Variants in COL22A1 observed in about 807,000 individuals in gnomAD.
COL22A1 encodes the protein collagen type XXII alpha 1 chain.
COL22A1 carries 221 observed loss-of-function variants against 248.9 expected under a neutral mutation model. The ratio of observed to expected loss-of-function variants is 0.89; its 90% CI spans 0.80 to 0.99. The LOEUF is 0.99. Among genes scored for constraint, COL22A1 ranks in the 50% least tolerant of loss-of-function variants. The pLI is 0.00. For missense variants in COL22A1, 2,240 were observed against 2,179.0 expected, an observed-to-expected ratio of 1.03 and a Z score of -0.56; for synonymous variants, 891 against 793.4, an observed-to-expected ratio of 1.12 and a Z score of -2.07.
intron 1 of COL22A1, among the ~76,000 whole-genome samples, chr8:138,891,903 G>A (rs892136659): frequency 3.3e-5 from 5 of 152,218 alleles, no homozygotes; most frequent in Admixed American, 2.6e-4. Context: ...GGAGGGAAGA[G>A]CATGGCTTTC....
At chr8:138,851,675 G>A (rs1252784989) in intron 3 of COL22A1, among the ~76,000 whole-genome samples, 1 of 152,186 alleles carries the variant, frequency 6.6e-6, no homozygotes, top group Non-Finnish European at 1.5e-5. Flanking sequence ...AGGCGCAAGG[G>A]GAGCTCAGGG....
chr8:138,736,337 C>T (rs1043435127), intron 23 of COL22A1, among the ~76,000 whole-genome samples: 3 of 151,912 alleles, frequency 2.0e-5, no homozygotes, highest in African/African-American at 7.3e-5. Context: ...CTGCAAAGGC[C>T]CGGCAGAGAG....
intron 1 of COL22A1, among the ~76,000 whole-genome samples, chr8:138,887,950 G>A (rs935679102): frequency 6.6e-6 from 1 of 152,144 alleles, no homozygotes; most frequent in African/African-American, 2.4e-5. Context: ...AGGCATTGTT[G>A]CTTGTTTCCC....
chr8:138,772,719 G>C (rs1251318120), intron 16 of COL22A1, among the ~76,000 whole-genome samples: 1 of 152,198 alleles, frequency 6.6e-6, no homozygotes, highest in Non-Finnish European at 1.5e-5. Context: ...TTATTAGCCA[G>C]GTGTGGTGGC....
At chr8:138,762,855 G>A (rs955654446) in intron 16 of COL22A1, among the ~76,000 whole-genome samples, 11 of 152,282 alleles carry the variant, frequency 7.2e-5, no homozygotes, top group Non-Finnish European at 1.2e-4. Flanking sequence ...CATTTGTCCC[G>A]TAAACACGTG....
intron 7 of COL22A1, 44 bp downstream of exon 7, chr8:138,821,092 C>A: frequency 6.3e-7 from 1 of 1,597,698 alleles, no homozygotes; most frequent in South Asian, 1.1e-5. Context: ...GGCTTCTCCC[C>A]GGTGGCCTGG....
chr8:138,669,602 T>C (rs558702705), intron 41 of COL22A1, among the ~76,000 whole-genome samples: 1 of 152,282 alleles, frequency 6.6e-6, no homozygotes, highest in South Asian at 2.1e-4. Context: ...TGTCTCTCAC[T>C]AGCAGAGTGA....
intron 62 of COL22A1, among the ~76,000 whole-genome samples, chr8:138,595,975 G>A (rs991169758): frequency 3.9e-5 from 6 of 152,170 alleles, no homozygotes; most frequent in Admixed American, 1.3e-4. Flanking sequence ...CTTCAGTGAG[G>A]CTGCCCAGGT....
chr8:138,818,887 A>C (rs954713817), intron 7 of COL22A1, among the ~76,000 whole-genome samples: 1 of 152,190 alleles, frequency 6.6e-6, no homozygotes, highest in Non-Finnish European at 1.5e-5. Flanking sequence ...TGTGATTCCC[A>C]TTTCAGAGAT....
chr8:138,663,011 GTCAC>G (rs1285902002), intron 42 of COL22A1, among the ~76,000 whole-genome samples: 3 of 25,972 alleles, frequency 1.2e-4, no homozygotes, highest in Non-Finnish European at 5.0e-4. Flanking sequence ...GCAGGACTCT[GTCAC>G]TCACACACAC....
intron 57 of COL22A1, among the ~76,000 whole-genome samples, chr8:138,606,869 G>A (rs1818466901): frequency 6.6e-6 from 1 of 152,076 alleles, no homozygotes; most frequent in Non-Finnish European, 1.5e-5. Flanking sequence ...CAACTTTTCT[G>A]GGGAGCCATC....
At chr8:138,664,573 C>A (rs1373741230) in intron 41 of COL22A1, among the ~76,000 whole-genome samples, 1 of 152,058 alleles carries the variant, frequency 6.6e-6, no homozygotes, top group African/African-American at 2.4e-5. Flanking sequence ...ACTGGATAGT[C>A]CCCGCCCCTG....
At position 138,700,158 on chromosome 8, in the gene COL22A1, C is replaced by A; in HGVS notation, c.2560-14G>T. 1 of 1,612,904 alleles carries A rather than the reference C, an allele frequency of 6.2e-7. No homozygotes were observed. The highest frequency in any genetic ancestry group is 8.5e-7 in the Non-Finnish European group (1 of 1,179,554). ...GAACAGGGATGTCTGAAAAGGAAAC[C>A]ACAGAGATTAGAAAGATGGGCATCA... On this transcript the variant is annotated splice_polypyrimidine_tract_variant and intron_variant, in intron 31 of 64. Coordinates refer to ENST00000303045, the MANE Select transcript of COL22A1 (RefSeq NM_152888.3).
At chr8:138,599,106 G>A (rs1227794937) in intron 60 of COL22A1, among the ~76,000 whole-genome samples, 1 of 152,200 alleles carries the variant, frequency 6.6e-6, no homozygotes, top group Non-Finnish European at 1.5e-5. Flanking sequence ...TATGGGGGAG[G>A]CTGAGGCTGG....
rs2131511531 is a variant in COL22A1 at position 138,778,415 on chromosome 8, G to A, written c.1705-9C>T. 1.3e-6 allele frequency: 2 copies of A among 1,590,568 alleles called. No individual in the cohort carries two copies. Among genetic ancestry groups the A allele is most frequent in the East Asian group, 2.2e-5 (1 of 44,734 alleles). ...GGTGGTCCTTGGGGCCCCTGCAGAA[G>A]AGCATTTACAGAGTAAAGTTTCAGG... On this transcript the variant is annotated splice_polypyrimidine_tract_variant and intron_variant, in intron 14 of 64. Transcript: ENST00000303045.
rs559332352 is a variant in COL22A1 at position 138,857,269 on chromosome 8, C to T, written c.659-13111G>A. 3.2e-4 allele frequency among the ~76,000 whole-genome samples: 48 copies of T among 152,304 alleles called. 1 individual carries two copies. Among genetic ancestry groups the T allele is most frequent in the Admixed American group, 4.6e-4 (7 of 15,298 alleles). On this transcript the variant is annotated intron_variant, in intron 3 of 64. Transcript: ENST00000303045. Reference sequence around the variant, plus strand: ...CCACTGCTCACACTCAGAGCCCACCCTCACCACAGCTCTGCCCCCACAGGC... The same window carrying T: ...CCACTGCTCACACTCAGAGCCCACCTTCACCACAGCTCTGCCCCCACAGGC...
intron 45 of COL22A1, among the ~76,000 whole-genome samples, chr8:138,655,455 C>T (rs1338129822): frequency 1.3e-5 from 2 of 152,184 alleles, no homozygotes; most frequent in Non-Finnish European, 1.5e-5. Flanking sequence ...ACCTCCCGGG[C>T]TCAAGTGATC....
chr8:138,756,968 A>T (rs755791325), intron 18 of COL22A1, among the ~76,000 whole-genome samples: 3 of 152,314 alleles, frequency 2.0e-5, no homozygotes, highest in Non-Finnish European at 2.9e-5. Context: ...TTTCACACAG[A>T]GAAATCGAGT....
At chr8:138,676,014 T>G (rs1320550706) in intron 41 of COL22A1, among the ~76,000 whole-genome samples, 1 of 152,200 alleles carries the variant, frequency 6.6e-6, no homozygotes, top group Non-Finnish European at 1.5e-5. Context: ...ACTTCATTGA[T>G]TCTTAAGATC....
Sources: allele counts gnomAD v4.1 joint callset (sites outside exome capture counted in the v4.1 genomes callset), GRCh38; gene constraint gnomAD v4.1.1; transcripts MANE v1.5; gene names NCBI Gene and HGNC (gene_info 2026-07-23, HGNC 2026-07-21).